Variants in MYO3A observed in about 807,000 individuals in gnomAD.
MYO3A encodes myosin IIIA.
MYO3A carries 180 observed loss-of-function variants against 192.7 expected under a neutral mutation model. That is an observed-to-expected ratio of 0.93 (90% CI 0.83 to 1.06). The LOEUF (loss-of-function observed/expected upper bound fraction) is 1.06. Ranked by LOEUF, MYO3A falls within the 50% of genes least tolerant of loss-of-function variation. MYO3A has a pLI of 0.00. For synonymous variants in MYO3A, 628 were observed against 645.3 expected (o/e 0.97, Z 0.41); for missense variants, 1,896 against 1,905.0 (o/e 1.00, Z 0.09).
chr10:26,130,469 C>A (rs1300893173), intron 20 of MYO3A, among the ~76,000 whole-genome samples: 1 of 152,120 alleles, frequency 6.6e-6, no homozygotes, highest in East Asian at 1.9e-4. Context: ...GCTCTTAATT[C>A]TTTTGTCTAA....
chr10:25,986,852 G>GA (rs1301242390), intron 4 of MYO3A, among the ~76,000 whole-genome samples: 5 of 151,634 alleles, frequency 3.3e-5, no homozygotes, highest in African/African-American at 4.8e-5. Context: ...CACAGAACTA[G>GA]AAAAAAAATC....
At chr10:26,181,480 G>A (rs967620622) in intron 31 of MYO3A, among the ~76,000 whole-genome samples, 34 of 152,118 alleles carry the variant, frequency 2.2e-4, no homozygotes, top group South Asian at 6.2e-4. Flanking sequence ...ACTGTTTAGC[G>A]TAGAAAGAGC....
At chr10:26,013,229 G>A (rs1841784864) in intron 6 of MYO3A, among the ~76,000 whole-genome samples, 1 of 152,082 alleles carries the variant, frequency 6.6e-6, no homozygotes, top group South Asian at 2.1e-4. Flanking sequence ...AAGAATTCAT[G>A]ACTAAGACCC....
At chr10:26,010,533 G>A (rs1032728368) in intron 6 of MYO3A, among the ~76,000 whole-genome samples, 7 of 144,362 alleles carry the variant, frequency 4.8e-5, no homozygotes, top group African/African-American at 7.8e-5. Context: ...GCGCAATTTC[G>A]GCTCACTGCA....
At chr10:26,014,148 G>A (rs1343938384) in intron 6 of MYO3A, among the ~76,000 whole-genome samples, 1 of 151,912 alleles carries the variant, frequency 6.6e-6, no homozygotes, top group Non-Finnish European at 1.5e-5. Flanking sequence ...TGGGGCTAGG[G>A]ATAAAAAAAC....
chr10:26,002,472 A>G (rs955809344), intron 6 of MYO3A, among the ~76,000 whole-genome samples: 1 of 152,214 alleles, frequency 6.6e-6, no homozygotes, highest in African/African-American at 2.4e-5. Flanking sequence ...CCTATTGGCT[A>G]GGGTTAGACC....
chr10:26,020,308 G>C (rs1842236889), intron 7 of MYO3A, among the ~76,000 whole-genome samples: 1 of 152,158 alleles, frequency 6.6e-6, no homozygotes, highest in African/African-American at 2.4e-5. Flanking sequence ...ACACTGATAT[G>C]CTTATAACTA....
At chr10:25,936,544 G>A (rs1836079386) in intron 2 of MYO3A, among the ~76,000 whole-genome samples, 1 of 152,052 alleles carries the variant, frequency 6.6e-6, no homozygotes, top group Admixed American at 6.5e-5. Context: ...CCTCCCCCTA[G>A]TAATAGGAAA....
At chr10:26,202,776 G>GGTTCTGTTC in intron 33 of MYO3A, 188 bp from the exon 34 acceptor site, 1 of 598,206 alleles carries the variant, frequency 1.7e-6, no homozygotes. Flanking sequence ...GGTAAGATAT[G>GGTTCTGTTC]AAGGTTTTTC....
intron 2 of MYO3A, among the ~76,000 whole-genome samples, chr10:25,948,319 T>C (rs745721707): frequency 6.6e-6 from 1 of 152,194 alleles, no homozygotes; most frequent in African/African-American, 2.4e-5. Flanking sequence ...ACGTTTTTCA[T>C]TGTATTATGA....
intron 15 of MYO3A, among the ~76,000 whole-genome samples, chr10:26,095,297 T>C (rs974558168): frequency 3.3e-5 from 5 of 152,052 alleles, no homozygotes; most frequent in African/African-American, 7.2e-5. Context: ...ATTTAACCAC[T>C]GTAAAAGGAA....
intron 30 of MYO3A, among the ~76,000 whole-genome samples, chr10:26,175,502 T>C (rs573273184): frequency 2.6e-5 from 4 of 152,290 alleles, no homozygotes; most frequent in Non-Finnish European, 5.9e-5. Context: ...GACTATCTAA[T>C]ATTCCTGAGT....
chr10:25,965,033 T>A (rs563804837), intron 4 of MYO3A, among the ~76,000 whole-genome samples: 1 of 152,210 alleles, frequency 6.6e-6, no homozygotes, highest in African/African-American at 2.4e-5. Flanking sequence ...GGATCCTTTA[T>A]GTATCCCTGA....
intron 29 of MYO3A, among the ~76,000 whole-genome samples, chr10:26,172,811 A>C (rs1049492936): frequency 1.3e-5 from 2 of 152,208 alleles, no homozygotes; most frequent in South Asian, 2.1e-4. Flanking sequence ...GTAGAATTAG[A>C]AAAATGGAAT....
chr10:25,955,124 C>T (rs1305599586), intron 4 of MYO3A, 116 bp downstream of exon 4: 4 of 1,435,280 alleles, frequency 2.8e-6, no homozygotes, highest in Non-Finnish European at 3.9e-6. Flanking sequence ...AAGTTCCTGA[C>T]CAGCCATGAA....
At chr10:26,082,382 G>T (rs568053047) in intron 14 of MYO3A, among the ~76,000 whole-genome samples, 25 of 151,872 alleles carry the variant, frequency 1.6e-4, no homozygotes, top group Admixed American at 8.5e-4. Flanking sequence ...TTTTCAGTTA[G>T]GTTGTTATTT....
At chr10:26,005,452 C>T (rs1186965056) in intron 6 of MYO3A, among the ~76,000 whole-genome samples, 1 of 148,884 alleles carries the variant, frequency 6.7e-6, no homozygotes, top group Non-Finnish European at 1.5e-5. Context: ...ATATTTAGGA[C>T]AGTTGATGAA....
At position 25,952,290 on chromosome 10, in the gene MYO3A, T is replaced by G. The variant is rs1837257103; in HGVS notation, c.168+12T>G. 6.2e-7 allele frequency: 1 copy of G among 1,610,266 alleles called. No individual in the cohort carries two copies. The highest frequency in any genetic ancestry group is 8.5e-7 in the Non-Finnish European group (1 of 1,177,612). On this transcript the variant is annotated intron_variant, in intron 3 of 34. Transcript: ENST00000642920. Reference sequence around the variant, plus strand: ...TTGATCCAATTCACGTAAGTCATATTTTTTCCTTCTAATTAGCTTTATTTT... The same window carrying G: ...TTGATCCAATTCACGTAAGTCATATGTTTTCCTTCTAATTAGCTTTATTTT...
chr10:26,009,175 A>C (rs917390979), intron 6 of MYO3A, among the ~76,000 whole-genome samples: 5 of 151,080 alleles, frequency 3.3e-5, no homozygotes, highest in Non-Finnish European at 7.4e-5. Context: ...GGAATTGAAC[A>C]GTGAGAACAC....
Sources: allele counts gnomAD v4.1 joint callset (sites outside exome capture counted in the v4.1 genomes callset), GRCh38; gene constraint gnomAD v4.1.1; transcripts MANE v1.5; gene names NCBI Gene and HGNC (gene_info 2026-07-23, HGNC 2026-07-21).